The following PCYOX1L variants were observed in gnomAD, a reference collection of about 807,000 sequenced individuals.
The protein encoded by PCYOX1L is prenylcysteine oxidase 1-like.
In PCYOX1L, 40 loss-of-function variants were observed where a neutral mutation model predicts 44.1. The ratio of observed to expected loss-of-function variants is 0.91; its 90% CI spans 0.70 to 1.18. The LOEUF (loss-of-function observed/expected upper bound fraction) is 1.18, where lower values mean the gene tolerates loss of function less well. Among genes scored for constraint, PCYOX1L ranks in the 50% most tolerant of loss-of-function variants. PCYOX1L has a pLI of 0.00. For synonymous variants in PCYOX1L, 266 were observed against 282.8 expected (o/e 0.94, Z 0.60); for missense variants, 605 against 653.3 (o/e 0.93, Z 0.81).
intron 2 of PCYOX1L, chr5:149,363,288 C>T: frequency 2.8e-6 from 1 of 354,228 alleles, no homozygotes; most frequent in Non-Finnish European, 5.6e-6. Context: ...GGGATTCAAA[C>T]CCAGCAGCAT....
At position 149,362,850 on chromosome 5, in the gene PCYOX1L, G is replaced by C; in HGVS notation, c.295+7G>C. On this transcript the variant is annotated splice_region_variant and intron_variant, in intron 2 of 5. Transcript: ENST00000274569. Reference sequence around the variant, plus strand: ...GACTTCGTCAAGCTGCTGGGTGAGTGGTCAGTCCTGGGGCTCCAGTGCCCA... The same window carrying C: ...GACTTCGTCAAGCTGCTGGGTGAGTCGTCAGTCCTGGGGCTCCAGTGCCCA... 6.2e-7 allele frequency: 1 copy of C among 1,613,374 alleles called. No homozygotes were observed. Among genetic ancestry groups the C allele is most frequent in the Non-Finnish European group, 8.5e-7 (1 of 1,180,022 alleles).
intron 4 of PCYOX1L, among the ~76,000 whole-genome samples, chr5:149,367,155 C>G (rs1367014718): frequency 6.6e-6 from 1 of 152,236 alleles, no homozygotes. Context: ...TCTCTGGGAG[C>G]TGGCTCTTTC....
intron 3 of PCYOX1L, chr5:149,365,609 G>A (rs150518424): frequency 1.2e-5 from 4 of 324,880 alleles, no homozygotes; most frequent in South Asian, 1.1e-4. Context: ...GTCAGCAGGG[G>A]TGGGCCGTAG....
intron 1 of PCYOX1L, among the ~76,000 whole-genome samples, chr5:149,360,202 G>A (rs1757969489): frequency 6.6e-6 from 1 of 152,180 alleles, no homozygotes; most frequent in Non-Finnish European, 1.5e-5. Context: ...TGGGGTCCTG[G>A]GGGACAGAAG....
chr5:149,363,893 G>T, intron 2 of PCYOX1L, 143 bp from the exon 3 acceptor site: 1 of 819,124 alleles, frequency 1.2e-6, no homozygotes, highest in South Asian at 2.4e-5. Flanking sequence ...CATTTTCCCA[G>T]TGCATCTGTT....
Position 149,368,553 on chromosome 5 carries a change from G to T in PCYOX1L, c.1384G>T (p.Ala462Ser). 6.3e-7 allele frequency: 1 copy of T among 1,599,622 alleles called. No homozygotes were observed. Among genetic ancestry groups the T allele is most frequent in the South Asian group, 1.1e-5 (1 of 88,216 alleles). Reference sequence around the variant, plus strand: ...CAGCTCCGTGGAGGTGATGGCCGTGGCTGCCAAGAATGTGGCCTTGCTGGC... The same window carrying T: ...CAGCTCCGTGGAGGTGATGGCCGTGTCTGCCAAGAATGTGGCCTTGCTGGC... Reference protein sequence around the residue: ...AASSVEVMAVAAKNVALLAYN... With the variant: ...AASSVEVMAVSAKNVALLAYN... The change falls in exon 6 of 6, where the codon GCT (alanine) becomes TCT (serine). Residue 462 changes from alanine to serine, a missense_variant. Transcript: ENST00000274569.
chr5:149,364,487 A>C (rs1244882003), intron 3 of PCYOX1L: 1 of 330,110 alleles, frequency 3.0e-6, no homozygotes, highest in East Asian at 5.7e-5. Flanking sequence ...TCGCTTAACA[A>C]GGGCTGAACT....
intron 1 of PCYOX1L, among the ~76,000 whole-genome samples, chr5:149,360,137 T>G (rs1173880874): frequency 6.6e-6 from 1 of 152,230 alleles, no homozygotes; most frequent in African/African-American, 2.4e-5. Context: ...CCTGTTGCAC[T>G]TCATCATGGG....
intron 3 of PCYOX1L, chr5:149,364,953 C>T (rs1758151095): frequency 6.6e-6 from 1 of 152,548 alleles, no homozygotes; most frequent in South Asian, 2.1e-4. Flanking sequence ...AAGGTGCTCC[C>T]TGCTTCCAGC....
At chr5:149,367,232 C>T (rs890801531) in intron 4 of PCYOX1L, 128 bp from the exon 5 acceptor site, 1 of 1,154,024 alleles carries the variant, frequency 8.7e-7, no homozygotes, top group East Asian at 2.6e-5. Flanking sequence ...TGTTTGCCAT[C>T]TCCCCATGCC....
chr5:149,365,981 T>C lies in PCYOX1L; in HGVS notation c.510T>C (p.Gly170=). Reference sequence around the variant, plus strand: ...AGGCCCACGGCTATGCCTTCTCGGGTGTGGAGGAGCTGCTCTACTCACTGG... The same window carrying C: ...AGGCCCACGGCTATGCCTTCTCGGGCGTGGAGGAGCTGCTCTACTCACTGG... ...KYQAHGYAFS[G]VEELLYSLGE... is the part of the protein sequence containing the mutation. The change falls in exon 4 of 6, where the codon GGT becomes GGC. Residue 170 remains glycine, a synonymous_variant. Transcript: ENST00000274569. The C allele has an allele frequency of 6.2e-7, 1 of 1,614,200 alleles. No homozygotes were observed. Among genetic ancestry groups the C allele is most frequent in the Non-Finnish European group, 8.5e-7 (1 of 1,180,022 alleles).
rs139450629 is a variant in PCYOX1L at position 149,365,963 on chromosome 5, C to G, written c.492C>G (p.His164Gln). 1 of 1,614,222 alleles carries G rather than the reference C, an allele frequency of 6.2e-7. No homozygotes were observed. Among genetic ancestry groups the G allele is most frequent in the Non-Finnish European group, 8.5e-7 (1 of 1,180,036 alleles). Residue 164 changes from histidine to glutamine, a missense_variant, in exon 4 of 6, where the codon CAC (histidine) becomes CAG (glutamine). Physicochemically the swap from His to Gln is conservative, Grantham distance 24. Coordinates refer to ENST00000274569, the MANE Select transcript of PCYOX1L (RefSeq NM_024028.4). ...KFMRIYKYQAHGYAFSGVEEL... is the reference protein window; with the variant it reads ...KFMRIYKYQAQGYAFSGVEEL... ...CTAGGATCTATAAGTACCAGGCCCACGGCTATGCCTTCTCGGGTGTGGAGG... is the reference window on the plus strand; with the variant it reads ...CTAGGATCTATAAGTACCAGGCCCAGGGCTATGCCTTCTCGGGTGTGGAGG...
chr5:149,358,089 G>T lies in PCYOX1L; in HGVS notation c.21G>T (p.Leu7=). The part of the protein sequence containing the change: MARAAP[L]LAALTALLAA... Reference sequence around the variant, plus strand: ...CCGCCATGGCCCGCGCAGCCCCGCTGCTCGCCGCGTTGACCGCGCTCCTCG... The same window carrying T: ...CCGCCATGGCCCGCGCAGCCCCGCTTCTCGCCGCGTTGACCGCGCTCCTCG... Residue 7 remains leucine (L), a synonymous_variant, in exon 1 of 6, where the codon CTG becomes CTT. Transcript: ENST00000274569. 1 of 1,437,200 alleles carries T rather than the reference G, an allele frequency of 7.0e-7. No individual in the cohort carries two copies. Among genetic ancestry groups the T allele is most frequent in the Non-Finnish European group, 9.1e-7 (1 of 1,097,178 alleles). The allele number at this position is 1,437,200 out of a possible 1,614,324, so 89.0% of individuals were successfully genotyped here.
intron 2 of PCYOX1L, chr5:149,363,121 C>T: frequency 1.7e-6 from 1 of 582,760 alleles, no homozygotes. Flanking sequence ...ATATCACCTT[C>T]CACATGCTAG....
rs538221599 is a variant in PCYOX1L at position 149,358,647 on chromosome 5, C to T, written c.88+491C>T. Among the ~76,000 whole-genome samples, 23 of 152,322 alleles carry T rather than the reference C, an allele frequency of 1.5e-4. No individual in the cohort carries two copies. The South Asian group carries it at 4.6e-3, about 30-fold the overall frequency. On this transcript the variant is annotated intron_variant, in intron 1 of 5. Transcript: ENST00000274569. ...GGCGCTTCACCCTGTCTTTGCGGCC[C>T]TGGGAGGGCTTCCTGGAAGTAACAT...
At chr5:149,359,726 A>T (rs1757955524) in intron 1 of PCYOX1L, among the ~76,000 whole-genome samples, 1 of 152,204 alleles carries the variant, frequency 6.6e-6, no homozygotes, top group African/African-American at 2.4e-5. Context: ...TTCTGGCCCC[A>T]TCCAAGAGTC....
At chr5:149,362,532 A>T in intron 1 of PCYOX1L, 105 bp from the exon 2 acceptor site, 1 of 1,161,702 alleles carries the variant, frequency 8.6e-7, no homozygotes, top group Non-Finnish European at 1.2e-6. Flanking sequence ...TAGGAAATTT[A>T]AGCACCTGGG....
At chr5:149,364,725 A>G (rs920741328) in intron 3 of PCYOX1L, 1 of 154,308 alleles carries the variant, frequency 6.5e-6, no homozygotes, top group Admixed American at 6.4e-5. Context: ...GCCAAATGAA[A>G]CACTTCTGCA....
intron 3 of PCYOX1L, 52 bp from the exon 4 acceptor site, chr5:149,365,890 G>T: frequency 6.3e-7 from 1 of 1,586,904 alleles, no homozygotes; most frequent in South Asian, 1.1e-5. Flanking sequence ...GGGGCAGGTG[G>T]TCAGGCAAAA....
Sources: allele counts gnomAD v4.1 joint callset (sites outside exome capture counted in the v4.1 genomes callset), GRCh38; gene constraint gnomAD v4.1.1; transcripts MANE v1.5; gene names NCBI Gene and HGNC (gene_info 2026-07-23, HGNC 2026-07-21).